Variants in NKAIN3 observed in about 807,000 individuals in gnomAD.
The protein encoded by NKAIN3 is sodium/potassium-transporting ATPase subunit beta-1-interacting protein 3.
Under a neutral mutation model 30.2 loss-of-function variants are expected in NKAIN3, and 25 were observed. The ratio of observed to expected loss-of-function variants is 0.83; its 90% confidence interval spans 0.60 to 1.16. The LOEUF is 1.16. Ranked by LOEUF, NKAIN3 falls within the 50% of genes most tolerant of loss-of-function variation. The pLI, the probability that NKAIN3 is intolerant of heterozygous loss-of-function variation, is 0.00. For synonymous variants in NKAIN3, 91 were observed against 89.6 expected, an observed-to-expected ratio of 1.02 and a Z score of -0.09; for missense variants, 225 against 254.1, an observed-to-expected ratio of 0.89 and a Z score of 0.78.
At chr8:62,944,998 T>C (rs1403751454) in intron 5 of NKAIN3, among the ~76,000 whole-genome samples, 1 of 152,196 alleles carries the variant, frequency 6.6e-6, no homozygotes, top group Non-Finnish European at 1.5e-5. Context: ...ACTCAATTTT[T>C]TAAAATTCCT....
intron 1 of NKAIN3, among the ~76,000 whole-genome samples, chr8:62,282,521 C>T (rs1375060865): frequency 1.3e-5 from 2 of 152,140 alleles, no homozygotes; most frequent in Non-Finnish European, 2.9e-5. Flanking sequence ...TCCCCTTATT[C>T]AGGGAGCGAT....
At chr8:62,602,396 A>G (rs1811007528) in intron 3 of NKAIN3, among the ~76,000 whole-genome samples, 1 of 152,096 alleles carries the variant, frequency 6.6e-6, no homozygotes, top group African/African-American at 2.4e-5. Flanking sequence ...TCAATATTTA[A>G]AGATAAACAT....
intron 1 of NKAIN3, among the ~76,000 whole-genome samples, chr8:62,291,956 C>G (rs1457089215): frequency 6.6e-6 from 1 of 152,172 alleles, no homozygotes; most frequent in Non-Finnish European, 1.5e-5. Flanking sequence ...ATAGTTATCT[C>G]TTCTTGTTGA....
chr8:62,480,395 C>T (rs1377970572), intron 1 of NKAIN3, among the ~76,000 whole-genome samples: 1 of 151,970 alleles, frequency 6.6e-6, no homozygotes, highest in Non-Finnish European at 1.5e-5. Flanking sequence ...CAATTTTTGT[C>T]TGTCAATCAT....
In NKAIN3 at chr8:62,574,898, G is replaced by A. The variant is rs143568238; in HGVS notation, c.55-4641G>A. ...GATCATTTCAATTAATGCTGAAAAGGCATTTGATAAAATTCAACATCCCTT... is the reference window on the plus strand; with the variant it reads ...GATCATTTCAATTAATGCTGAAAAGACATTTGATAAAATTCAACATCCCTT... On this transcript the variant is annotated intron_variant, in intron 1 of 6. Coordinates refer to ENST00000623646, the MANE Select transcript of NKAIN3 (RefSeq NM_001304533.3). 5.0e-3 allele frequency among the ~76,000 whole-genome samples: 759 copies of A among 151,912 alleles called. 3 individuals carry two copies. The highest frequency in any genetic ancestry group is 5.9e-3 in the Non-Finnish European group (404 of 67,930).
chr8:62,997,496 T>G (rs930798333), intron 5 of NKAIN3, among the ~76,000 whole-genome samples: 3 of 151,956 alleles, frequency 2.0e-5, no homozygotes, highest in Admixed American at 6.6e-5. Context: ...AAAAACAAAT[T>G]AAGAGGATTT....
intron 1 of NKAIN3, among the ~76,000 whole-genome samples, chr8:62,547,411 A>G (rs917918901): frequency 6.6e-6 from 1 of 152,208 alleles, no homozygotes; most frequent in African/African-American, 2.4e-5. Context: ...ACTATCATTA[A>G]TAATAGTAAA....
chr8:62,432,355 G>A (rs72651506), intron 1 of NKAIN3, among the ~76,000 whole-genome samples: 4 of 152,028 alleles, frequency 2.6e-5, no homozygotes, highest in Non-Finnish European at 5.9e-5. Context: ...AAGAAATGAG[G>A]ATGCATCTCT....
intron 3 of NKAIN3, among the ~76,000 whole-genome samples, chr8:62,633,409 G>T (rs1394729717): frequency 6.6e-6 from 1 of 152,062 alleles, no homozygotes; most frequent in Non-Finnish European, 1.5e-5. Flanking sequence ...ATACATTTAT[G>T]GTTCTGACTT....
chr8:62,679,683 G>A (rs1397893764), intron 3 of NKAIN3, among the ~76,000 whole-genome samples: 1 of 152,120 alleles, frequency 6.6e-6, no homozygotes, highest in Non-Finnish European at 1.5e-5. Context: ...GAAAGAGAGA[G>A]AGCAAGGAGG....
rs1824058823 is a variant in NKAIN3, at chr8:62,980,842, G to A, written c.*15435G>A. On this transcript the variant is annotated 3_prime_UTR_variant, in exon 7 of 7. Transcript: ENST00000623646. ...TCATTAATTCCATTTATTATTTTAA[G>A]CCACTTGTTTGGTGTTATGGATTTT... The A allele has an allele frequency of 6.6e-6, 1 of 152,112 alleles. No homozygotes were observed. Among genetic ancestry groups the A allele is most frequent in the African/African-American group, 2.4e-5 (1 of 41,420 alleles). The allele number at this position is 152,112 out of a possible 1,614,324, so 9.4% of individuals were successfully genotyped here.
intron 4 of NKAIN3, among the ~76,000 whole-genome samples, chr8:62,783,804 T>G (rs1186408371): frequency 1.3e-5 from 2 of 151,956 alleles, no homozygotes; most frequent in Non-Finnish European, 2.9e-5. Context: ...TTTATTTTTT[T>G]GTGGAGACCT....
intron 1 of NKAIN3, among the ~76,000 whole-genome samples, chr8:62,525,419 T>G (rs1377401458): frequency 1.3e-5 from 2 of 152,152 alleles, no homozygotes; most frequent in Non-Finnish European, 2.9e-5. Flanking sequence ...CTCTTCTGTT[T>G]TGTACACCAG....
At chr8:62,749,835 G>T (rs890473557) in intron 4 of NKAIN3, among the ~76,000 whole-genome samples, 2 of 151,158 alleles carry the variant, frequency 1.3e-5, no homozygotes, top group African/African-American at 4.9e-5. Context: ...GGTGCACGCC[G>T]CCACGTCCAG....
rs115420517 is a variant in NKAIN3, at chr8:62,889,900, G to A, written c.472-28553G>A. 5.8e-3 allele frequency among the ~76,000 whole-genome samples: 884 copies of A among 152,106 alleles called. 6 individuals carry two copies. The highest frequency in any genetic ancestry group is 0.02 in the African/African-American group (838 of 41,494). On this transcript the variant is annotated intron_variant, in intron 4 of 6. Coordinates refer to ENST00000623646, the MANE Select transcript of NKAIN3 (RefSeq NM_001304533.3). ...GAAAATATATCTTATTAATATTTCT[G>A]GTTCCATGTTGAGAGGCCACAGTGG...
chr8:62,634,520 G>A (rs1812066227), intron 3 of NKAIN3, among the ~76,000 whole-genome samples: 1 of 152,164 alleles, frequency 6.6e-6, no homozygotes, highest in South Asian at 2.1e-4. Flanking sequence ...TGTGCAGCAA[G>A]CAACAGGACC....
chr8:62,317,164 C>A (rs553373446), intron 1 of NKAIN3, among the ~76,000 whole-genome samples: 3 of 152,244 alleles, frequency 2.0e-5, no homozygotes, highest in African/African-American at 7.2e-5. Flanking sequence ...ATTGTAGATT[C>A]TGGATATTAG....
At chr8:62,259,329 T>C (rs1812358258) in intron 1 of NKAIN3, among the ~76,000 whole-genome samples, 1 of 152,174 alleles carries the variant, frequency 6.6e-6, no homozygotes, top group Admixed American at 6.5e-5. Flanking sequence ...TTCCAATTAG[T>C]GGATGCTTTG....
At chr8:62,385,208 C>T (rs1356055620) in intron 1 of NKAIN3, among the ~76,000 whole-genome samples, 2 of 152,168 alleles carry the variant, frequency 1.3e-5, no homozygotes, top group Non-Finnish European at 2.9e-5. Flanking sequence ...TAATCCTCTG[C>T]ACTATCATCA....
Sources: gnomAD v4.1 joint callset for allele counts (sites outside exome capture counted in the v4.1 genomes callset) on GRCh38, gnomAD v4.1.1 for gene constraint, MANE v1.5 for transcripts, NCBI Gene and HGNC (gene_info 2026-07-23, HGNC 2026-07-21) for gene names.